PXDNL: variants seen among roughly 807,000 people sequenced by gnomAD.
PXDNL encodes the protein probable oxidoreductase PXDNL.
In PXDNL, 145 loss-of-function variants were observed where a neutral mutation model predicts 150.8. The ratio of observed to expected loss-of-function variants is 0.96; its 90% confidence interval spans 0.84 to 1.10. The LOEUF is 1.10. PXDNL is among the 50% of genes least tolerant of loss of function. The pLI is 0.00. For missense variants in PXDNL, 2,087 were observed against 1,873.9 expected, an observed-to-expected ratio of 1.11 and a Z score of -2.10; for synonymous variants, 757 against 725.7, an observed-to-expected ratio of 1.04 and a Z score of -0.69.
At chr8:51,395,236 C>G (rs1808045547) in intron 17 of PXDNL, among the ~76,000 whole-genome samples, 1 of 152,178 alleles carries the variant, frequency 6.6e-6, no homozygotes, top group Admixed American at 6.5e-5. Context: ...TTTGTAGACA[C>G]TATTCCAGAT....
At position 51,600,156 on chromosome 8, in the gene PXDNL, A is replaced by G. The variant is rs1290535862; in HGVS notation, c.237-7458T>C. Among the ~76,000 whole-genome samples the G allele has an allele frequency of 2.7e-5, 4 of 145,472 alleles. 1 individual carries two copies. The highest frequency in any genetic ancestry group is 1.0e-4 in the African/African-American group (4 of 40,170). ...ATAAATTATACCTTATATAAATTATATCGTTTAGATAATAAATTATACCTT... is the reference window on the plus strand; with the variant it reads ...ATAAATTATACCTTATATAAATTATGTCGTTTAGATAATAAATTATACCTT... On this transcript the variant is annotated intron_variant, in intron 2 of 22. Coordinates refer to ENST00000356297, the MANE Select transcript of PXDNL (RefSeq NM_144651.5).
chr8:51,744,099 AAAG>A, intron 1 of PXDNL, among the ~76,000 whole-genome samples: 1 of 130,866 alleles, frequency 7.6e-6, no homozygotes, highest in Non-Finnish European at 1.6e-5. Flanking sequence ...GGAAGGAAAG[AAAG>A]AAAGAAAGAA....
At chr8:51,400,457 G>A (rs914248027) in intron 17 of PXDNL, among the ~76,000 whole-genome samples, 17 of 151,866 alleles carry the variant, frequency 1.1e-4, no homozygotes, top group African/African-American at 3.4e-4. Context: ...TCTAAAACGC[G>A]TTACTAAGAC....
intron 3 of PXDNL, among the ~76,000 whole-genome samples, chr8:51,576,262 C>T (rs1024915659): frequency 6.8e-6 from 1 of 146,618 alleles, no homozygotes; most frequent in African/African-American, 2.5e-5. Flanking sequence ...CCTGAGAATA[C>T]ATATCAAGAT....
intron 2 of PXDNL, among the ~76,000 whole-genome samples, chr8:51,619,754 CTT>C (rs1384818770): frequency 6.6e-6 from 1 of 152,192 alleles, no homozygotes; most frequent in Non-Finnish European, 1.5e-5. Context: ...AATTAAACCT[CTT>C]TTCTTTATAA....
At chr8:51,340,528 T>C (rs1805957698) in intron 20 of PXDNL, among the ~76,000 whole-genome samples, 1 of 152,264 alleles carries the variant, frequency 6.6e-6, no homozygotes, top group Non-Finnish European at 1.5e-5. Context: ...ATTATAACTT[T>C]CAAAATTGTT....
chr8:51,758,217 C>T (rs181292913), intron 1 of PXDNL, among the ~76,000 whole-genome samples: 55 of 152,080 alleles, frequency 3.6e-4, no homozygotes, highest in African/African-American at 1.3e-3. Flanking sequence ...GTGGAGTCAC[C>T]ACCTCACACG....
chr8:51,400,162 A>G (rs1455248097), intron 17 of PXDNL, among the ~76,000 whole-genome samples: 1 of 152,238 alleles, frequency 6.6e-6, no homozygotes, highest in Non-Finnish European at 1.5e-5. Flanking sequence ...ATGCACATAC[A>G]TAATGAGATA....
At chr8:51,608,255 G>A (rs1216055369) in intron 2 of PXDNL, among the ~76,000 whole-genome samples, 1 of 147,480 alleles carries the variant, frequency 6.8e-6, no homozygotes, top group African/African-American at 2.6e-5. Context: ...CAGGCGTGGT[G>A]GCGGGTGCCT....
chr8:51,478,843 G>A (rs1378628426), intron 6 of PXDNL, among the ~76,000 whole-genome samples: 2 of 152,214 alleles, frequency 1.3e-5, no homozygotes, highest in Non-Finnish European at 2.9e-5. Flanking sequence ...ATAAACAGGT[G>A]CCCAGTTTCC....
intron 17 of PXDNL, among the ~76,000 whole-genome samples, chr8:51,379,252 T>C (rs1328345723): frequency 6.6e-6 from 1 of 152,164 alleles, no homozygotes; most frequent in Non-Finnish European, 1.5e-5. Context: ...ATGAGTCATG[T>C]TATTTTGTGT....
At chr8:51,446,897 TATATATATATATAGTC>T in intron 12 of PXDNL, 91 bp downstream of exon 12, 1 of 771,106 alleles carries the variant, frequency 1.3e-6, no homozygotes, top group Non-Finnish European at 2.0e-6. Flanking sequence ...CATATGACTA[TATATATATATATAGTC>T]ATATATGTCA....
chr8:51,796,150 A>C (rs1242760203), intron 1 of PXDNL, among the ~76,000 whole-genome samples: 3 of 152,180 alleles, frequency 2.0e-5, no homozygotes, highest in African/African-American at 7.2e-5. Flanking sequence ...CACCAGCCTG[A>C]ATGAACCCCC....
chr8:51,731,384 G>A (rs1311158852), intron 1 of PXDNL, among the ~76,000 whole-genome samples: 1 of 152,252 alleles, frequency 6.6e-6, no homozygotes, highest in East Asian at 1.9e-4. Flanking sequence ...ACTGATGCAA[G>A]AGGTGGATTT....
intron 17 of PXDNL, among the ~76,000 whole-genome samples, chr8:51,402,322 T>C (rs1808277359): frequency 6.6e-6 from 1 of 151,948 alleles, no homozygotes. Flanking sequence ...GGTCAGGAGT[T>C]TGAGACCGGC....
Position 51,408,055 on chromosome 8 carries a change from T to C in PXDNL, c.3557+12A>G, listed in dbSNP as rs1340319834. Reference sequence around the variant, plus strand: ...AGAAATGTTTAAATCCAGGCAGCATTTGCATACTTACTTTCTCAGTTTTTG... The same window carrying C: ...AGAAATGTTTAAATCCAGGCAGCATCTGCATACTTACTTTCTCAGTTTTTG... On this transcript the variant is annotated intron_variant, in intron 17 of 22. Coordinates refer to ENST00000356297, the MANE Select transcript of PXDNL (RefSeq NM_144651.5). The C allele has an allele frequency of 1.3e-6, 2 of 1,587,812 alleles. No homozygotes were observed. Among genetic ancestry groups the C allele is most frequent in the East Asian group, 4.5e-5 (2 of 44,766 alleles).
intron 12 of PXDNL, chr8:51,435,802 C>T: frequency 2.4e-6 from 1 of 416,346 alleles, no homozygotes; most frequent in East Asian, 6.8e-5. Flanking sequence ...TCTTTTCTTC[C>T]AGAGGAATAA....
chr8:51,372,732 G>T (rs1424096508), intron 18 of PXDNL, among the ~76,000 whole-genome samples: 1 of 152,168 alleles, frequency 6.6e-6, no homozygotes, highest in East Asian at 1.9e-4. Flanking sequence ...AACTGTCTGA[G>T]CAATGTAACA....
chr8:51,452,468 C>G (rs1016170110), intron 10 of PXDNL, among the ~76,000 whole-genome samples: 1 of 152,126 alleles, frequency 6.6e-6, no homozygotes, highest in Non-Finnish European at 1.5e-5. Context: ...TGATCTATTG[C>G]TATTAAAGGA....
Sources: allele counts gnomAD v4.1 joint callset (sites outside exome capture counted in the v4.1 genomes callset), GRCh38; gene constraint gnomAD v4.1.1; transcripts MANE v1.5; gene names NCBI Gene and HGNC (gene_info 2026-07-23, HGNC 2026-07-21).